NTM: variants seen among roughly 807,000 people sequenced by gnomAD.
NTM encodes neurotrimin.
Under a neutral mutation model 42.1 loss-of-function variants are expected in NTM, and 13 were observed. The observed-to-expected ratio is 0.31, with a 90% confidence interval of 0.20 to 0.49. The LOEUF is 0.49. NTM is among the 20% of genes least tolerant of loss of function. NTM has a pLI of 0.99. For missense variants in NTM, 373 were observed against 452.8 expected (o/e 0.82, Z 1.60); for synonymous variants, 187 against 179.2 (o/e 1.04, Z -0.35).
chr11:131,495,947 G>T (rs1296982526), intron 1 of NTM, among the ~76,000 whole-genome samples: 1 of 152,170 alleles, frequency 6.6e-6, no homozygotes, highest in East Asian at 1.9e-4. Flanking sequence ...GGATGTTGAG[G>T]GTTTGAAAAA....
chr11:132,186,879 C>T lies in NTM; in HGVS notation c.401-25143C>T, dbSNP rs1300901574. On this transcript the variant is annotated intron_variant, in intron 3 of 8. Transcript: ENST00000683400. Reference sequence around the variant, plus strand: ...CGCTTCCGAGCCCCCTGTGGGGATCCGGATGATTTCCTCAAACGCTAGGTG... The same window carrying T: ...CGCTTCCGAGCCCCCTGTGGGGATCTGGATGATTTCCTCAAACGCTAGGTG... Among the ~76,000 whole-genome samples the T allele has an allele frequency of 2.6e-5, 4 of 152,176 alleles. No individual in the cohort carries two copies. The East Asian group carries it at 5.8e-4, about 22-fold the overall frequency.
chr11:132,103,045 C>T (rs2061819672), intron 2 of NTM, among the ~76,000 whole-genome samples: 1 of 152,232 alleles, frequency 6.6e-6, no homozygotes, highest in African/African-American at 2.4e-5. Flanking sequence ...AAATTGGCCC[C>T]ATAGAAAAGC....
At chr11:131,952,425 A>G (rs1026917754) in intron 2 of NTM, among the ~76,000 whole-genome samples, 2 of 152,222 alleles carry the variant, frequency 1.3e-5, no homozygotes, top group South Asian at 4.1e-4. Flanking sequence ...GCACGTATGT[A>G]TATATTTATA....
At chr11:131,717,468 G>C (rs965487954) in intron 1 of NTM, among the ~76,000 whole-genome samples, 4 of 152,104 alleles carry the variant, frequency 2.6e-5, no homozygotes, top group African/African-American at 9.7e-5. Context: ...TTACCTCTAA[G>C]TATTTAAATT....
intron 2 of NTM, among the ~76,000 whole-genome samples, chr11:131,944,265 T>C (rs1182714164): frequency 1.3e-5 from 2 of 152,204 alleles, no homozygotes; most frequent in Non-Finnish European, 2.9e-5. Context: ...CTTGCAGTAG[T>C]GAGTTATGTG....
At chr11:132,095,400 A>C (rs556966743) in intron 2 of NTM, among the ~76,000 whole-genome samples, 1 of 152,020 alleles carries the variant, frequency 6.6e-6, no homozygotes, top group Non-Finnish European at 1.5e-5. Flanking sequence ...CTCTGCAGGG[A>C]CTGGCGGCTA....
At chr11:131,518,804 C>T (rs1267173527) in intron 1 of NTM, among the ~76,000 whole-genome samples, 1 of 152,142 alleles carries the variant, frequency 6.6e-6, no homozygotes, top group Non-Finnish European at 1.5e-5. Flanking sequence ...GGATTGCATG[C>T]TACTAAATGA....
intron 1 of NTM, among the ~76,000 whole-genome samples, chr11:131,830,451 G>A (rs1431690173): frequency 2.6e-5 from 4 of 152,020 alleles, no homozygotes; most frequent in South Asian, 4.2e-4. Context: ...TGTTTTTGTC[G>A]ACTTTGTCAA....
intron 1 of NTM, among the ~76,000 whole-genome samples, chr11:131,635,566 TA>T (rs545931871): frequency 8.9e-4 from 136 of 152,272 alleles, no homozygotes; most frequent in Non-Finnish European, 1.7e-3. Flanking sequence ...TTTAAAAGTT[TA>T]AAAAATAAAA....
intron 4 of NTM, among the ~76,000 whole-genome samples, chr11:132,275,018 C>G (rs2093650904): frequency 6.6e-6 from 1 of 151,948 alleles, no homozygotes; most frequent in African/African-American, 2.4e-5. Context: ...GGATTGCAAA[C>G]ATTTCATTTC....
At chr11:131,416,394 G>T (rs1450733236) in intron 1 of NTM, among the ~76,000 whole-genome samples, 1 of 152,136 alleles carries the variant, frequency 6.6e-6, no homozygotes, top group Non-Finnish European at 1.5e-5. Context: ...CTGCGTTACA[G>T]GAACTGCTGA....
At chr11:131,415,251 A>G (rs1946826239) in intron 1 of NTM, among the ~76,000 whole-genome samples, 1 of 152,176 alleles carries the variant, frequency 6.6e-6, no homozygotes. Context: ...CGCAGTGCCC[A>G]ATATATAAAG....
At chr11:132,304,516 G>A (rs56251906) in intron 4 of NTM, among the ~76,000 whole-genome samples, 16,162 of 151,728 alleles carry the variant, frequency 0.11, 1,138 homozygotes, top group Non-Finnish European at 0.16. Flanking sequence ...GAAACTTTTC[G>A]TTGATTTATT....
intron 2 of NTM, among the ~76,000 whole-genome samples, chr11:131,954,619 T>C (rs2061371800): frequency 7.3e-6 from 1 of 137,748 alleles, no homozygotes; most frequent in African/African-American, 2.9e-5. Flanking sequence ...CAATCAAATT[T>C]TATAGAATAC....
intron 2 of NTM, among the ~76,000 whole-genome samples, chr11:131,915,552 A>G (rs565612243): frequency 2.6e-5 from 4 of 152,164 alleles, no homozygotes; most frequent in African/African-American, 4.8e-5. Context: ...TTAAATTTCA[A>G]CTACGGTCAA....
intron 1 of NTM, among the ~76,000 whole-genome samples, chr11:131,501,413 A>T (rs1237883721): frequency 2.6e-5 from 4 of 152,138 alleles, no homozygotes; most frequent in Non-Finnish European, 5.9e-5. Context: ...TCCAGCCAGG[A>T]GAAGGGGTTG....
intron 3 of NTM, among the ~76,000 whole-genome samples, chr11:132,209,761 A>G (rs2082547640): frequency 6.6e-6 from 1 of 152,140 alleles, no homozygotes; most frequent in Non-Finnish European, 1.5e-5. Flanking sequence ...AACAATTTTA[A>G]TAGATGTGGA....
chr11:132,188,269 C>A (rs1359028990), intron 3 of NTM, among the ~76,000 whole-genome samples: 2 of 152,150 alleles, frequency 1.3e-5, no homozygotes, highest in African/African-American at 4.8e-5. Flanking sequence ...GGTTGAGGAA[C>A]CCGGACTAAC....
At chr11:132,098,074 T>C (rs1401168561) in intron 2 of NTM, among the ~76,000 whole-genome samples, 1 of 152,234 alleles carries the variant, frequency 6.6e-6, no homozygotes, top group Non-Finnish European at 1.5e-5. Flanking sequence ...AAATCTGTCA[T>C]GATGTGGAAA....
Sources: allele counts gnomAD v4.1 joint callset (sites outside exome capture counted in the v4.1 genomes callset), GRCh38; gene constraint gnomAD v4.1.1; transcripts MANE v1.5; gene names NCBI Gene and HGNC (gene_info 2026-07-23, HGNC 2026-07-21).